Variants in DAB1 observed in about 807,000 individuals in gnomAD.
The protein encoded by DAB1 is disabled homolog 1.
DAB1 carries 15 observed loss-of-function variants against 64.6 expected under a neutral mutation model. The ratio of observed to expected loss-of-function variants is 0.23; its 90% CI spans 0.16 to 0.36. DAB1 has a LOEUF of 0.36. DAB1 is among the 10% of genes least tolerant of loss of function. DAB1 has a pLI of 1.00. For missense variants in DAB1, 596 were observed against 706.7 expected (o/e 0.84, Z 1.78); for synonymous variants, 235 against 251.9 (o/e 0.93, Z 0.64).
chr1:57,392,735 G>A (rs904097555), intron 1 of DAB1, among the ~76,000 whole-genome samples: 2 of 152,234 alleles, frequency 1.3e-5, no homozygotes, highest in African/African-American at 4.8e-5. Flanking sequence ...TCTAAACCCT[G>A]ACTTCTGAGA....
intron 1 of DAB1, among the ~76,000 whole-genome samples, chr1:58,537,259 A>G (rs1397124603): frequency 1.3e-5 from 2 of 152,170 alleles, no homozygotes; most frequent in East Asian, 3.9e-4. Context: ...AAATGCCTAA[A>G]TAATTATGTA....
At chr1:57,095,453 A>G (rs1177325215) in intron 4 of DAB1, among the ~76,000 whole-genome samples, 3 of 152,182 alleles carry the variant, frequency 2.0e-5, no homozygotes, top group Admixed American at 6.5e-5. Flanking sequence ...GATATCACCA[A>G]TGATCCACTG....
chr1:57,893,580 GAAATA>G (rs747621266), intron 5 of DAB1, among the ~76,000 whole-genome samples: 7 of 152,114 alleles, frequency 4.6e-5, no homozygotes, highest in Non-Finnish European at 1.0e-4. Context: ...AACATATAAG[GAAATA>G]AAATAATTAA....
intron 9 of DAB1, among the ~76,000 whole-genome samples, chr1:57,043,815 C>T (rs1648112107): frequency 6.6e-6 from 1 of 151,956 alleles, no homozygotes; most frequent in Admixed American, 6.6e-5. Context: ...CCACTCCACT[C>T]CAGCCTGGGT....
At chr1:58,098,417 C>T (rs1411131797) in intron 5 of DAB1, among the ~76,000 whole-genome samples, 8 of 152,108 alleles carry the variant, frequency 5.3e-5, no homozygotes, top group Admixed American at 1.3e-4. Context: ...CTGACAGGAG[C>T]TGTGATGTTT....
rs900750435 is a variant in DAB1 at position 57,728,785 on chromosome 1, A to G, written n.552-79120T>C. ...AGTTGCTCTTCCTACCTGAAGAAGA[A>G]AACTAGAACACCTTTCTCATCTTCA... On this transcript the variant is annotated intron_variant and non_coding_transcript_variant, in intron 6 of 20. Coordinates refer to the DAB1 transcript ENST00000485760. Among the ~76,000 whole-genome samples, 3 of 152,212 alleles carry G rather than the reference A, an allele frequency of 2.0e-5. No individual in the cohort carries two copies. In the East Asian group the frequency reaches 5.8e-4, roughly 29 times the overall value.
chr1:58,000,423 G>T (rs1646488940), intron 5 of DAB1, among the ~76,000 whole-genome samples: 2 of 152,084 alleles, frequency 1.3e-5, no homozygotes, highest in Non-Finnish European at 2.9e-5. Flanking sequence ...CATAGACATT[G>T]GTCATCTTTT....
At chr1:57,658,950 C>G (rs1646351406) in intron 6 of DAB1, among the ~76,000 whole-genome samples, 1 of 152,184 alleles carries the variant, frequency 6.6e-6, no homozygotes, top group Non-Finnish European at 1.5e-5. Flanking sequence ...TCCCCATTCT[C>G]TGGAAATTCT....
chr1:58,432,822 G>A (rs1644894177), intron 3 of DAB1, among the ~76,000 whole-genome samples: 1 of 152,192 alleles, frequency 6.6e-6, no homozygotes, highest in Non-Finnish European at 1.5e-5. Flanking sequence ...CTCATGGACA[G>A]AGGAGCCTAC....
intron 3 of DAB1, among the ~76,000 whole-genome samples, chr1:58,457,805 A>G (rs1360396770): frequency 2.0e-5 from 3 of 152,038 alleles, no homozygotes; most frequent in African/African-American, 7.2e-5. Flanking sequence ...TCTCTGTCCA[A>G]TTCCTGGTGC....
chr1:57,631,990 G>A (rs1008431123), intron 7 of DAB1, among the ~76,000 whole-genome samples: 8 of 152,224 alleles, frequency 5.3e-5, no homozygotes, highest in African/African-American at 1.9e-4. Flanking sequence ...AAGTGGGAAA[G>A]GGTTATATCA....
At chr1:57,187,489 G>A (rs371492648) in intron 2 of DAB1, among the ~76,000 whole-genome samples, 14 of 152,174 alleles carry the variant, frequency 9.2e-5, no homozygotes, top group African/African-American at 3.1e-4. Context: ...AATGTGCTAT[G>A]GGCTCCTGGA....
Position 57,163,277 on chromosome 1 carries a change from G to C in DAB1, c.68-17848C>G, listed in dbSNP as rs1028977657. Among the ~76,000 whole-genome samples, 8 of 152,302 alleles carry C rather than the reference G, an allele frequency of 5.3e-5. No homozygotes were observed. In the South Asian group the frequency reaches 1.7e-3, roughly 32 times the overall value. On this transcript the variant is annotated intron_variant, in intron 2 of 14. Coordinates refer to ENST00000371236, the MANE Select transcript of DAB1 (RefSeq NM_001365792.1). ...AGTCTGATGAAACAAGGAGTGACTG[G>C]GAAAGGGTGGGGAACAATTAATTTA...
intron 2 of DAB1, among the ~76,000 whole-genome samples, chr1:57,246,433 G>A (rs902388209): frequency 1.3e-5 from 2 of 152,220 alleles, no homozygotes; most frequent in African/African-American, 4.8e-5. Flanking sequence ...GTGCACAGAA[G>A]GCAACAGTTT....
chr1:57,411,022 A>G (rs1404729520), intron 1 of DAB1, among the ~76,000 whole-genome samples: 1 of 152,198 alleles, frequency 6.6e-6, no homozygotes, highest in Non-Finnish European at 1.5e-5. Context: ...TCCTAAAATA[A>G]TTTGGGGAGA....
chr1:58,199,261 T>G (rs1048901211), intron 4 of DAB1, among the ~76,000 whole-genome samples: 1 of 151,166 alleles, frequency 6.6e-6, no homozygotes, highest in African/African-American at 2.5e-5. Flanking sequence ...GGCTGGCTAT[T>G]TAGTTATGTG....
intron 14 of DAB1, among the ~76,000 whole-genome samples, chr1:57,005,335 T>A (rs899357055): frequency 6.6e-6 from 1 of 152,220 alleles, no homozygotes; most frequent in Non-Finnish European, 1.5e-5. Context: ...ACTAATTATC[T>A]ACCATAAGCA....
intron 7 of DAB1, among the ~76,000 whole-genome samples, chr1:57,483,989 G>A (rs1644057531): frequency 6.6e-6 from 1 of 152,146 alleles, no homozygotes; most frequent in Non-Finnish European, 1.5e-5. Context: ...TACATGCTGT[G>A]GGAACCGTGA....
chr1:57,160,843 G>A (rs1202632566), intron 2 of DAB1, among the ~76,000 whole-genome samples: 1 of 152,094 alleles, frequency 6.6e-6, no homozygotes, highest in Non-Finnish European at 1.5e-5. Flanking sequence ...CCTCCTCCTA[G>A]TAGCAGCATC....
Sources: gnomAD v4.1 joint callset for allele counts (sites outside exome capture counted in the v4.1 genomes callset) on GRCh38, gnomAD v4.1.1 for gene constraint, MANE v1.5 for transcripts, NCBI Gene and HGNC (gene_info 2026-07-23, HGNC 2026-07-21) for gene names.